EHMT1: variants seen among roughly 807,000 people sequenced by gnomAD.
The protein encoded by EHMT1 is euchromatic histone lysine methyltransferase 1.
In EHMT1, 15 loss-of-function variants were observed where a neutral mutation model predicts 147.2. The observed-to-expected ratio is 0.10, with a 90% confidence interval of 0.07 to 0.16. EHMT1 has a LOEUF of 0.16. Among genes scored for constraint, EHMT1 ranks in the 10% least tolerant of loss-of-function variants. The pLI is 1.00. For missense variants in EHMT1, 1,587 were observed against 1,772.4 expected (o/e 0.90, Z 1.88); for synonymous variants, 795 against 709.6 (o/e 1.12, Z -1.91).
intron 1 of EHMT1, among the ~76,000 whole-genome samples, chr9:137,691,325 A>G (rs1210729530): frequency 6.7e-6 from 1 of 149,124 alleles, no homozygotes; most frequent in African/African-American, 2.5e-5. Flanking sequence ...ATATATATAT[A>G]AAATATATTT....
chr9:137,644,654 A>G (rs1297180397), intron 1 of EHMT1, among the ~76,000 whole-genome samples: 5 of 152,044 alleles, frequency 3.3e-5, no homozygotes, highest in Non-Finnish European at 7.4e-5. Context: ...TTTATGAGTT[A>G]TGTATCTAAA....
chr9:137,736,777 G>C (rs1430595081), intron 4 of EHMT1, among the ~76,000 whole-genome samples: 1 of 152,186 alleles, frequency 6.6e-6, no homozygotes, highest in Non-Finnish European at 1.5e-5. Context: ...TGTAATCCCA[G>C]ATACTTGGGA....
intron 1 of EHMT1, among the ~76,000 whole-genome samples, chr9:137,632,469 G>C (rs1035525494): frequency 6.6e-6 from 1 of 152,148 alleles, no homozygotes; most frequent in Non-Finnish European, 1.5e-5. Context: ...GGGTTTCACT[G>C]TGTTGCCCAG....
intron 3 of EHMT1, among the ~76,000 whole-genome samples, chr9:137,726,540 C>T (rs935503675): frequency 2.1e-5 from 3 of 145,796 alleles, no homozygotes; most frequent in Non-Finnish European, 4.4e-5. Flanking sequence ...CCTCGGGTGG[C>T]TTCCCCCTTT....
intron 15 of EHMT1, among the ~76,000 whole-genome samples, chr9:137,783,253 ACT>A (rs1203799898): frequency 2.6e-5 from 4 of 151,696 alleles, no homozygotes; most frequent in African/African-American, 9.7e-5. Flanking sequence ...CTGTCCTGGG[ACT>A]CTCATAACTC....
At chr9:137,676,316 G>C (rs1335517007) in intron 1 of EHMT1, 2 of 152,406 alleles carry the variant, frequency 1.3e-5, no homozygotes. Context: ...TGATCTGCCT[G>C]CCTCGGCCCT....
chr9:137,690,829 A>G (rs895300324), intron 1 of EHMT1, among the ~76,000 whole-genome samples: 2 of 152,212 alleles, frequency 1.3e-5, no homozygotes, highest in South Asian at 2.1e-4. Flanking sequence ...ACAGCATCAT[A>G]TATTCTTCCA....
intron 10 of EHMT1, chr9:137,764,113 C>T (rs1950051394): frequency 1.3e-5 from 2 of 152,436 alleles, no homozygotes; most frequent in South Asian, 2.1e-4. Flanking sequence ...GCCTCCTCTT[C>T]TCCTTCTCCG....
intron 25 of EHMT1, among the ~76,000 whole-genome samples, chr9:137,825,352 G>A (rs1244644128): frequency 1.3e-5 from 2 of 152,182 alleles, no homozygotes; most frequent in Non-Finnish European, 1.5e-5. Context: ...CCACGGCCAC[G>A]CTGACTTGCT....
chr9:137,821,920 A>G (rs1313428095), intron 25 of EHMT1, among the ~76,000 whole-genome samples: 2 of 152,086 alleles, frequency 1.3e-5, no homozygotes, highest in Admixed American at 1.3e-4. Context: ...TAGGTTTTTG[A>G]AATTTTTTTC....
intron 4 of EHMT1, among the ~76,000 whole-genome samples, chr9:137,730,269 A>G (rs1267107812): frequency 1.3e-5 from 2 of 152,148 alleles, no homozygotes; most frequent in Non-Finnish European, 2.9e-5. Context: ...ACCTCCCATC[A>G]CATCCCACCA....
chr9:137,755,314 G>T (rs1270342272), intron 8 of EHMT1, among the ~76,000 whole-genome samples: 1 of 152,148 alleles, frequency 6.6e-6, no homozygotes, highest in Admixed American at 6.5e-5. Context: ...GTGTTCTGTA[G>T]AATTTTATAT....
chr9:137,834,444 G>T lies in EHMT1; in HGVS notation c.3636G>T (p.Val1212=). Residue 1212 remains valine (V), a synonymous_variant, in exon 26 of 27, where the codon GTG becomes GTT. Transcript: ENST00000460843. ...HCEPNLVPVR[V]FMAHQDLRFP... The stretch of plus-strand genomic sequence containing the variant: ...AGCCCAACCTGGTGCCCGTGCGCGT[G>T]TTCATGGCCCACCAGGACCTGCGGT... 6.2e-7 allele frequency: 1 copy of T among 1,613,220 alleles called. No homozygotes were observed. Among genetic ancestry groups the T allele is most frequent in the Non-Finnish European group, 8.5e-7 (1 of 1,179,812 alleles).
chr9:137,807,902 T>A lies in EHMT1; in HGVS notation c.2713-3559T>A, dbSNP rs537893040. On this transcript the variant is annotated intron_variant, in intron 18 of 26. Coordinates refer to ENST00000460843, the MANE Select transcript of EHMT1 (RefSeq NM_024757.5). ...GGGTTTTTCTCCCCATTGTGGGTCA[T>A]GTTTCCTGTTCCTTTGCACATCTGG... Among the ~76,000 whole-genome samples the A allele has an allele frequency of 1.1e-3, 162 of 152,336 alleles. 1 individual carries two copies. Among genetic ancestry groups the A allele is most frequent in the African/African-American group, 3.7e-3 (155 of 41,572 alleles).
intron 16 of EHMT1, among the ~76,000 whole-genome samples, chr9:137,798,092 A>G (rs929070240): frequency 6.6e-6 from 1 of 152,210 alleles, no homozygotes; most frequent in Non-Finnish European, 1.5e-5. Context: ...GGGTGTTCCC[A>G]ATCTGGGCAT....
intron 1 of EHMT1, among the ~76,000 whole-genome samples, chr9:137,680,099 C>T (rs1359482442): frequency 6.6e-6 from 1 of 152,058 alleles, no homozygotes; most frequent in Admixed American, 6.5e-5. Context: ...AATGCCTCTA[C>T]GTTGTATCTG....
intron 16 of EHMT1, among the ~76,000 whole-genome samples, chr9:137,792,441 A>G (rs1456918365): frequency 6.6e-6 from 1 of 152,186 alleles, no homozygotes; most frequent in Non-Finnish European, 1.5e-5. Flanking sequence ...GTGGTGGCTC[A>G]CGCCTGTAAT....
intron 3 of EHMT1, 122 bp from the exon 4 acceptor site, chr9:137,728,227 A>C: frequency 7.2e-7 from 1 of 1,394,256 alleles, no homozygotes; most frequent in South Asian, 1.2e-5. Context: ...TCCTCTCTCC[A>C]TTGTATCTCA....
Position 137,813,339 on chromosome 9 carries a change from G to T in EHMT1, c.3036-47G>T. The T allele has an allele frequency of 6.3e-7, 1 of 1,590,390 alleles. No individual in the cohort carries two copies. The stretch of plus-strand genomic sequence containing the variant: ...CCACTGCACGCTGTGCCACCCCCTG[G>T]GCAGAGCACGTCAGCCACCAGGTGA... On this transcript the variant is annotated intron_variant, in intron 20 of 26. Transcript: ENST00000460843. The surrounding 1 kb of genome is among the most constrained non-coding windows in gnomAD (Gnocchi z 4.9).
Sources: allele counts gnomAD v4.1 joint callset (sites outside exome capture counted in the v4.1 genomes callset), GRCh38; gene constraint gnomAD v4.1.1; non-coding constraint Gnocchi (gnomAD v3.1); transcripts MANE v1.5; gene names NCBI Gene and HGNC (gene_info 2026-07-23, HGNC 2026-07-21).